CCDC169: variants seen among roughly 807,000 people sequenced by gnomAD.
CCDC169 encodes the protein coiled-coil domain-containing protein 169.
CCDC169 carries 30 observed loss-of-function variants against 36.0 expected under a neutral mutation model. That is an observed-to-expected ratio of 0.83 (90% CI 0.62 to 1.13). CCDC169 has a LOEUF of 1.13. Among genes scored for constraint, CCDC169 ranks in the 50% most tolerant of loss-of-function variants. CCDC169 has a pLI of 0.00. For missense variants in CCDC169, 245 were observed against 245.9 expected (o/e 1.00, Z 0.03); for synonymous variants, 85 against 81.5 (o/e 1.04, Z -0.23).
At chr13:36,282,380 G>A in intron 4 of CCDC169, 1 of 985,294 alleles carries the variant, frequency 1.0e-6, no homozygotes, top group Non-Finnish European at 1.2e-6. Context: ...AGGGTCTCTT[G>A]ACTGGATATA....
In CCDC169 at chr13:36,282,511, A is replaced by G. The variant is rs143486701; in HGVS notation, c.315+958T>C. On this transcript the variant is annotated intron_variant, in intron 4 of 7. Transcript: ENST00000239859. ...CCTCTTGGATTCATGAGTACCAAAC[A>G]CTCATGAAAGCACCTGTCCAGAGAA... 2.6e-3 allele frequency: 2,568 copies of G among 985,104 alleles called. 8 individuals are homozygous for G. The highest frequency in any genetic ancestry group is 4.7e-3 in the Middle Eastern group (9 of 1,914). The allele number at this position is 985,104 out of a possible 1,614,324, so 61.0% of individuals were successfully genotyped here. A position where few individuals can be genotyped will look rare whatever the true frequency, so the allele number is the denominator to read the frequency against.
At chr13:36,259,013 T>G (rs1643232532) in intron 4 of CCDC169, among the ~76,000 whole-genome samples, 1 of 152,122 alleles carries the variant, frequency 6.6e-6, no homozygotes, top group Non-Finnish European at 1.5e-5. Context: ...TGCAGAGGAA[T>G]CCTGCTCCCT....
intron 7 of CCDC169, among the ~76,000 whole-genome samples, chr13:36,247,801 G>T (rs896101369): frequency 3.9e-5 from 6 of 152,184 alleles, no homozygotes; most frequent in Non-Finnish European, 8.8e-5. Flanking sequence ...ATATTCTATG[G>T]ACTTGGTTGA....
intron 4 of CCDC169, among the ~76,000 whole-genome samples, chr13:36,264,352 T>C (rs1470541589): frequency 2.0e-5 from 3 of 152,092 alleles, no homozygotes; most frequent in East Asian, 1.9e-4. Context: ...AAGAGCTATA[T>C]ACTGGTCACA....
At chr13:36,239,135 G>A (rs527872897) in intron 7 of CCDC169, among the ~76,000 whole-genome samples, 37 of 152,122 alleles carry the variant, frequency 2.4e-4, no homozygotes, top group East Asian at 1.2e-3. Context: ...CTACTCAGGA[G>A]GCTGAGGCAG....
intron 4 of CCDC169, among the ~76,000 whole-genome samples, chr13:36,257,595 C>T (rs750644020): frequency 6.6e-6 from 1 of 151,924 alleles, no homozygotes; most frequent in Non-Finnish European, 1.5e-5. Flanking sequence ...CCCAGCTACT[C>T]GAGAGACTGA....
chr13:36,229,440 A>C (rs1870181757), downstream of CCDC169, among the ~76,000 whole-genome samples: 1 of 152,096 alleles, frequency 6.6e-6, no homozygotes, highest in African/African-American at 2.4e-5. Flanking sequence ...CCAGTGATTG[A>C]GATAACTTTA....
intron 2 of CCDC169, among the ~76,000 whole-genome samples, chr13:36,293,468 T>C (rs1223426837): frequency 1.3e-5 from 2 of 152,180 alleles, no homozygotes; most frequent in Non-Finnish European, 2.9e-5. Context: ...TTAAAAGCAG[T>C]CTACCTCTCC....
intron 7 of CCDC169, among the ~76,000 whole-genome samples, chr13:36,247,196 T>C (rs920599496): frequency 1.1e-4 from 16 of 152,174 alleles, no homozygotes; most frequent in African/African-American, 3.9e-4. Context: ...GAAAATAAGA[T>C]TCCTTTCAAA....
rs188324510 is a variant in CCDC169 at position 36,290,834 on chromosome 13, T to G, written c.163+4944A>C. Among the ~76,000 whole-genome samples, 712 of 152,212 alleles carry G rather than the reference T, an allele frequency of 4.7e-3. 3 individuals are homozygous for G. The highest frequency in any genetic ancestry group is 8.1e-3 in the Non-Finnish European group (553 of 68,022). ...AAACGTTTAATTGGATTTAAGTCTT[T>G]GACTCTAAGTTCCTTGGCAATAGGG... On this transcript the variant is annotated intron_variant, in intron 2 of 7. Transcript: ENST00000239859.
intron 2 of CCDC169, among the ~76,000 whole-genome samples, chr13:36,285,512 T>C (rs1323691956): frequency 6.6e-6 from 1 of 151,988 alleles, no homozygotes; most frequent in African/African-American, 2.4e-5. Flanking sequence ...ATTGTGCCAC[T>C]GCACTCTAAC....
intron 4 of CCDC169, among the ~76,000 whole-genome samples, chr13:36,275,677 A>G (rs924390358): frequency 6.6e-6 from 1 of 152,228 alleles, no homozygotes; most frequent in African/African-American, 2.4e-5. Context: ...GGCATAAACT[A>G]CCACAGTGAG....
intron 2 of CCDC169, among the ~76,000 whole-genome samples, chr13:36,292,798 T>A (rs1008575484): frequency 6.6e-6 from 1 of 152,170 alleles, no homozygotes; most frequent in African/African-American, 2.4e-5. Flanking sequence ...TTGGGAATGA[T>A]CCAGTAGAGC....
intron 7 of CCDC169, chr13:36,240,670 T>A (rs1028221804): frequency 4.8e-6 from 6 of 1,248,784 alleles, no homozygotes; most frequent in Non-Finnish European, 6.3e-6. Context: ...TTTAAAACTG[T>A]TCATAAGCAG....
At chr13:36,273,471 C>G (rs750276141) in intron 4 of CCDC169, among the ~76,000 whole-genome samples, 2 of 152,066 alleles carry the variant, frequency 1.3e-5, no homozygotes, top group Non-Finnish European at 2.9e-5. Flanking sequence ...TATCCTGAGG[C>G]CCCACACACA....
chr13:36,261,799 G>T (rs1874644915), intron 4 of CCDC169, among the ~76,000 whole-genome samples: 2 of 152,156 alleles, frequency 1.3e-5, no homozygotes, highest in East Asian at 1.9e-4. Flanking sequence ...TCCAGAGCCT[G>T]CCCTGTGATC....
downstream of CCDC169, among the ~76,000 whole-genome samples, chr13:36,228,926 T>C (rs1355076669): frequency 6.6e-6 from 1 of 152,216 alleles, no homozygotes; most frequent in East Asian, 1.9e-4. Flanking sequence ...GTATATTCCT[T>C]CTACAAAGGA....
At chr13:36,238,484 T>C (rs1366171577) in intron 7 of CCDC169, among the ~76,000 whole-genome samples, 2 of 152,198 alleles carry the variant, frequency 1.3e-5, no homozygotes, top group Non-Finnish European at 1.5e-5. Flanking sequence ...AAATGTGCTT[T>C]GGGAATAATC....
intron 4 of CCDC169, among the ~76,000 whole-genome samples, chr13:36,257,974 A>T (rs1212232118): frequency 6.6e-6 from 1 of 152,116 alleles, no homozygotes; most frequent in East Asian, 1.9e-4. Context: ...AGAAACCAGA[A>T]CCAGAAGCTG....
Sources: allele counts gnomAD v4.1 joint callset (sites outside exome capture counted in the v4.1 genomes callset), GRCh38; gene constraint gnomAD v4.1.1; transcripts MANE v1.5; gene names NCBI Gene and HGNC (gene_info 2026-07-23, HGNC 2026-07-21).